The following ZZEF1 variants were observed in gnomAD, a reference collection of about 807,000 sequenced individuals.
The protein encoded by ZZEF1 is zinc finger ZZ-type and EF-hand domain containing 1, also known as zinc finger ZZ-type and EF-hand domain-containing protein 1.
In ZZEF1, 157 loss-of-function variants were observed where a neutral mutation model predicts 342.8. That is an observed-to-expected ratio of 0.46 (90% CI 0.40 to 0.52). The LOEUF (loss-of-function observed/expected upper bound fraction) is 0.52, where lower values mean the gene tolerates loss of function less well. ZZEF1 is among the 20% of genes least tolerant of loss of function. The pLI, the probability that ZZEF1 is intolerant of heterozygous loss-of-function variation, is 0.00. For synonymous variants in ZZEF1, 1,505 were observed against 1,429.1 expected, an observed-to-expected ratio of 1.05 and a Z score of -1.20; for missense variants, 3,480 against 3,725.6, an observed-to-expected ratio of 0.93 and a Z score of 1.72.
chr17:4,137,164 A>G (rs758742929), intron 1 of ZZEF1, among the ~76,000 whole-genome samples: 1 of 152,204 alleles, frequency 6.6e-6, no homozygotes, highest in Non-Finnish European at 1.5e-5. Flanking sequence ...AAAGCAAGGC[A>G]GTACCATGGT....
In ZZEF1 at chr17:4,008,768, C is replaced by T; in HGVS notation, c.8805+115G>A. 6.8e-7 allele frequency: 1 copy of T among 1,466,368 alleles called. No individual in the cohort carries two copies. Among genetic ancestry groups the T allele is most frequent in the African/African-American group, 1.4e-5 (1 of 71,432 alleles). The allele number at this position is 1,466,368 out of a possible 1,614,324, so 90.8% of individuals were successfully genotyped here. On this transcript the variant is annotated intron_variant, in intron 54 of 54. Transcript: ENST00000381638. The surrounding 1 kb of genome is among the most constrained non-coding windows in gnomAD (Gnocchi z 4.2). ...TGAACTGGAACAAGCTCTGTGTAAG[C>T]TCCGGGTGGATTCTGTCCTACTCAG...
At chr17:4,074,382 C>A (rs751292368) in intron 23 of ZZEF1, 31 bp from the exon 24 acceptor site, 3 of 1,610,370 alleles carry the variant, frequency 1.9e-6, no homozygotes. Context: ...TGTGGTCAGA[C>A]AGATTAGAGG....
At chr17:4,127,390 TA>T (rs2145568745) in intron 1 of ZZEF1, among the ~76,000 whole-genome samples, 1 of 152,286 alleles carries the variant, frequency 6.6e-6, no homozygotes, top group South Asian at 2.1e-4. Flanking sequence ...TTTAAAGTGT[TA>T]TTTTGTAGAG....
In ZZEF1 at chr17:4,006,554, T is replaced by G. The variant is rs1050729404; in HGVS notation, c.*336A>C. The G allele has an allele frequency of 4.1e-5, 14 of 345,212 alleles. No homozygotes were observed. Among genetic ancestry groups the G allele is most frequent in the Non-Finnish European group, 5.5e-5 (10 of 182,566 alleles). 21.4% of individuals were successfully genotyped at this position (345,212 alleles called of 1,614,324 possible). ...CAGCTCCACGGAGACAGAAACCAGT[T>G]GAGAGAGGCCGCTTCCAAGTCTTCC... is the stretch of plus-strand genomic sequence containing the variant. On this transcript the variant is annotated 3_prime_UTR_variant, in exon 55 of 55. Coordinates refer to ENST00000381638, the MANE Select transcript of ZZEF1 (RefSeq NM_015113.4).
intron 39 of ZZEF1, among the ~76,000 whole-genome samples, chr17:4,040,231 T>C (rs1250094470): frequency 6.6e-6 from 1 of 152,176 alleles, no homozygotes; most frequent in Non-Finnish European, 1.5e-5. Flanking sequence ...CAAAAAGTAC[T>C]TGAGGAAGTA....
At chr17:4,133,135 TGAG>T (rs940567188) in intron 1 of ZZEF1, among the ~76,000 whole-genome samples, 2 of 152,182 alleles carry the variant, frequency 1.3e-5, no homozygotes, top group African/African-American at 4.8e-5. Context: ...ACTCAAGGTC[TGAG>T]GAGATTAGCA....
Position 4,008,585 on chromosome 17 carries a change from T to A in ZZEF1, c.8805+298A>T. 1 of 1,138,246 alleles carries A rather than the reference T, an allele frequency of 8.8e-7. No individual in the cohort carries two copies. Among genetic ancestry groups the A allele is most frequent in the Non-Finnish European group, 1.1e-6 (1 of 926,158 alleles). The allele number at this position is 1,138,246 out of a possible 1,614,324, so 70.5% of individuals were successfully genotyped here. On this transcript the variant is annotated intron_variant, in intron 54 of 54. Coordinates refer to ENST00000381638, the MANE Select transcript of ZZEF1 (RefSeq NM_015113.4). The surrounding 1 kb of genome is among the most constrained non-coding windows in gnomAD (Gnocchi z 4.2). ...AACTCACATCTAAAAATATGTGAAA[T>A]CTAACTCCACGGAAACTTCAAGAAT...
intron 2 of ZZEF1, among the ~76,000 whole-genome samples, chr17:4,121,847 C>T (rs1209191946): frequency 1.3e-5 from 2 of 151,802 alleles, no homozygotes; most frequent in African/African-American, 4.8e-5. Flanking sequence ...CTCAGTATCC[C>T]GAGTAGCTGG....
intron 52 of ZZEF1, among the ~76,000 whole-genome samples, chr17:4,010,730 A>AAAAAAAAAAG (rs941156211): frequency 1.3e-5 from 2 of 150,782 alleles, no homozygotes; most frequent in African/African-American, 4.9e-5. Context: ...GTCTCAAAAA[A>AAAAAAAAAAG]AAAAAGAAAA....
At chr17:4,025,327 A>G (rs1258472943) in intron 42 of ZZEF1, among the ~76,000 whole-genome samples, 1 of 152,202 alleles carries the variant, frequency 6.6e-6, no homozygotes, top group Non-Finnish European at 1.5e-5. Flanking sequence ...GAGTGGGACA[A>G]TTTGCATTCT....
At chr17:4,061,067 A>G (rs1415680069) in intron 30 of ZZEF1, among the ~76,000 whole-genome samples, 1 of 152,148 alleles carries the variant, frequency 6.6e-6, no homozygotes, top group South Asian at 2.1e-4. Context: ...CTTAAACTAA[A>G]TGTCTGTAGT....
At chr17:4,055,949 G>A (rs1224928097) in intron 33 of ZZEF1, among the ~76,000 whole-genome samples, 1 of 152,190 alleles carries the variant, frequency 6.6e-6, no homozygotes, top group African/African-American at 2.4e-5. Context: ...TAGATGCCTC[G>A]CATGCGCGGT....
At chr17:4,036,811 ACACACACT>A (rs1221572631) in intron 39 of ZZEF1, among the ~76,000 whole-genome samples, 54 of 93,964 alleles carry the variant, frequency 5.7e-4, no homozygotes, top group Admixed American at 1.0e-3. Flanking sequence ...ACACACACAC[ACACACACT>A]CTCTCTCTCT....
At chr17:4,139,498 G>A (rs1044471705) in intron 1 of ZZEF1, among the ~76,000 whole-genome samples, 2 of 152,198 alleles carry the variant, frequency 1.3e-5, no homozygotes, top group Admixed American at 6.5e-5. Flanking sequence ...GTAAAATACA[G>A]CAGTATATTC....
chr17:4,051,592 T>C (rs2057045987), intron 35 of ZZEF1, among the ~76,000 whole-genome samples: 1 of 152,024 alleles, frequency 6.6e-6, no homozygotes, highest in South Asian at 2.1e-4. Context: ...AGCTAATTTT[T>C]GTATTTTTAG....
chr17:4,086,671 A>G lies in ZZEF1; in HGVS notation c.2343-16T>C. The G allele has an allele frequency of 2.5e-6, 4 of 1,612,944 alleles. No homozygotes were observed. Among genetic ancestry groups the G allele is most frequent in the Non-Finnish European group, 3.4e-6 (4 of 1,179,914 alleles). ...TTCCCTCGGGCTACAGAAAGACAAA[A>G]AACATCAGAGAGCAAAAGGGCAAGT... On this transcript the variant is annotated splice_polypyrimidine_tract_variant and intron_variant, in intron 14 of 54. Coordinates refer to ENST00000381638, the MANE Select transcript of ZZEF1 (RefSeq NM_015113.4).
At chr17:4,096,131 T>C (rs2058029095) in intron 10 of ZZEF1, 152 bp from the exon 11 acceptor site, 2 of 877,122 alleles carry the variant, frequency 2.3e-6, no homozygotes, top group Admixed American at 6.4e-5. Flanking sequence ...ATAAGAAAGC[T>C]GTTTCCCAAG....
intron 32 of ZZEF1, among the ~76,000 whole-genome samples, chr17:4,057,194 G>A (rs942730704): frequency 2.0e-5 from 3 of 152,184 alleles, no homozygotes; most frequent in African/African-American, 4.8e-5. Flanking sequence ...GCGAGAAACC[G>A]CGAGCAGGCC....
intron 37 of ZZEF1, among the ~76,000 whole-genome samples, chr17:4,044,943 C>G (rs754843600): frequency 8.6e-5 from 13 of 152,042 alleles, no homozygotes; most frequent in Non-Finnish European, 5.9e-5. Context: ...CCCTTGAGGT[C>G]AGGAGTTCAA....
Sources: allele counts gnomAD v4.1 joint callset (sites outside exome capture counted in the v4.1 genomes callset), GRCh38; gene constraint gnomAD v4.1.1; non-coding constraint Gnocchi (gnomAD v3.1); transcripts MANE v1.5; gene names NCBI Gene and HGNC (gene_info 2026-07-23, HGNC 2026-07-21).